HECW1: variants seen among roughly 807,000 people sequenced by gnomAD.
HECW1 encodes the protein E3 ubiquitin-protein ligase HECW1.
A neutral mutation model predicts 182.3 loss-of-function variants in HECW1; 61 were observed. That is an observed-to-expected ratio of 0.33 (90% CI 0.27 to 0.41). HECW1 has a LOEUF of 0.41. HECW1 is among the 10% of genes least tolerant of loss of function. The pLI is 1.00. For missense variants in HECW1, 1,739 were observed against 2,108.9 expected, an observed-to-expected ratio of 0.82 and a Z score of 3.44; for synonymous variants, 859 against 832.6, an observed-to-expected ratio of 1.03 and a Z score of -0.55.
At chr7:43,353,631 CT>C (rs1814731363) in intron 5 of HECW1, among the ~76,000 whole-genome samples, 1 of 47,884 alleles carries the variant, frequency 2.1e-5, no homozygotes, top group South Asian at 6.6e-4. Context: ...CACAATGCCC[CT>C]CCCTCCCCTC....
chr7:43,367,223 G>C (rs867726027), intron 6 of HECW1, among the ~76,000 whole-genome samples: 3 of 152,080 alleles, frequency 2.0e-5, no homozygotes, highest in South Asian at 2.1e-4. Flanking sequence ...TTTTTGACTT[G>C]GATTTTATAA....
intron 14 of HECW1, 149 bp from the exon 15 acceptor site, chr7:43,466,298 G>A: frequency 1.4e-6 from 1 of 721,494 alleles, no homozygotes; most frequent in Non-Finnish European, 2.3e-6. Flanking sequence ...ATTCTTAACT[G>A]ACATACATAA....
intron 2 of HECW1, among the ~76,000 whole-genome samples, chr7:43,210,092 C>T (rs1194397831): frequency 1.3e-5 from 2 of 152,146 alleles, no homozygotes; most frequent in African/African-American, 4.8e-5. Context: ...AGTTTCCTGG[C>T]CTGAGCGGAC....
chr7:43,303,255 TGGAGCCTGGCC>T (rs1490721266), intron 3 of HECW1, among the ~76,000 whole-genome samples: 3 of 152,098 alleles, frequency 2.0e-5, no homozygotes, highest in Non-Finnish European at 4.4e-5. Flanking sequence ...ATGCCCCTCC[TGGAGCCTGGCC>T]TCCAGCTGGT....
chr7:43,262,616 G>A (rs993858188), intron 3 of HECW1, among the ~76,000 whole-genome samples: 11 of 152,168 alleles, frequency 7.2e-5, no homozygotes, highest in Non-Finnish European at 1.3e-4. Flanking sequence ...ATGAAAAGTA[G>A]TTTTCTCCTC....
At chr7:43,287,021 G>A (rs11978433) in intron 3 of HECW1, among the ~76,000 whole-genome samples, 8,755 of 152,126 alleles carry the variant, frequency 0.058, 349 homozygotes, top group African/African-American at 0.11. Context: ...TGGGGGTAGC[G>A]GGGAGTTGTT....
At chr7:43,443,824 A>G (rs963579038) in intron 10 of HECW1, among the ~76,000 whole-genome samples, 4 of 152,208 alleles carry the variant, frequency 2.6e-5, no homozygotes, top group African/African-American at 9.6e-5. Flanking sequence ...AGCAAATGCA[A>G]TTAACTAAAT....
chr7:43,353,085 A>G (rs990220546), intron 5 of HECW1, among the ~76,000 whole-genome samples: 9 of 152,178 alleles, frequency 5.9e-5, no homozygotes, highest in African/African-American at 2.2e-4. Flanking sequence ...ACATATTTAT[A>G]GTGGTAGAAA....
chr7:43,511,665 GACATCTTA>G lies in HECW1; in HGVS notation c.4019+2548_4019+2555del, dbSNP rs2079878273. 3 of 154,620 alleles carry G rather than the reference GACATCTTA, an allele frequency of 1.9e-5. No homozygotes were observed. In the South Asian group the frequency reaches 6.2e-4, roughly 32 times the overall value. 9.6% of individuals were successfully genotyped at this position (154,620 alleles called of 1,614,324 possible). A position where few individuals can be genotyped will look rare whatever the true frequency, so the allele number is the denominator to read the frequency against. ...AACAGGAAGCCCTGATCAGCTTTGG[GACATCTTA>G]ACAAAACCATGATGCTGCAGTTATT... On this transcript the variant is annotated intron_variant, in intron 24 of 29. Transcript: ENST00000395891.
intron 3 of HECW1, among the ~76,000 whole-genome samples, chr7:43,304,593 C>T (rs953416100): frequency 1.3e-5 from 2 of 152,012 alleles, no homozygotes; most frequent in African/African-American, 2.4e-5. Flanking sequence ...CTGGTTCAAG[C>T]GATTCTCCTG....
intron 2 of HECW1, among the ~76,000 whole-genome samples, chr7:43,190,474 C>A (rs1793812148): frequency 1.3e-5 from 2 of 152,122 alleles, no homozygotes; most frequent in African/African-American, 4.8e-5. Flanking sequence ...CATTGTACAA[C>A]TAAATCCTGA....
chr7:43,125,477 T>C (rs12666862), intron 2 of HECW1, among the ~76,000 whole-genome samples: 43,800 of 151,678 alleles, frequency 0.29, 6,471 homozygotes, highest in Admixed American at 0.35. Context: ...GAGGCATTGG[T>C]CGGGTGTGGT....
At chr7:43,326,307 G>A (rs1584487885) in intron 5 of HECW1, among the ~76,000 whole-genome samples, 1 of 152,208 alleles carries the variant, frequency 6.6e-6, no homozygotes, top group Non-Finnish European at 1.5e-5. Flanking sequence ...ACCATGGTGA[G>A]GTGAACCTCA....
At chr7:43,274,816 TAA>T (rs1802905583) in intron 3 of HECW1, among the ~76,000 whole-genome samples, 1 of 152,228 alleles carries the variant, frequency 6.6e-6, no homozygotes, top group Non-Finnish European at 1.5e-5. Context: ...GTAAAAACTT[TAA>T]AAAGACTGTG....
chr7:43,381,978 G>A (rs993609240), intron 6 of HECW1, among the ~76,000 whole-genome samples: 6 of 151,464 alleles, frequency 4.0e-5, no homozygotes, highest in Non-Finnish European at 7.4e-5. Flanking sequence ...CTCAAATTCT[G>A]GATTTATAAT....
intron 3 of HECW1, among the ~76,000 whole-genome samples, chr7:43,285,013 C>CTTTTTTTTTT (rs1804440238): frequency 8.6e-6 from 1 of 116,582 alleles, no homozygotes; most frequent in African/African-American, 4.1e-5. Flanking sequence ...TTTTTTTTTG[C>CTTTTTTTTTT]TTTAAGGTTC....
At chr7:43,329,307 G>A (rs1296324981) in intron 5 of HECW1, among the ~76,000 whole-genome samples, 2 of 152,140 alleles carry the variant, frequency 1.3e-5, no homozygotes, top group Non-Finnish European at 2.9e-5. Context: ...AGCACACAGA[G>A]CTATGCAAAT....
At chr7:43,393,186 G>A (rs964539021) in intron 6 of HECW1, among the ~76,000 whole-genome samples, 5 of 152,104 alleles carry the variant, frequency 3.3e-5, no homozygotes, top group African/African-American at 9.7e-5. Context: ...ACAGAGAGAG[G>A]GGGGGCAACA....
At chr7:43,476,145 TAA>T (rs1563028541) in intron 16 of HECW1, among the ~76,000 whole-genome samples, 3 of 152,284 alleles carry the variant, frequency 2.0e-5, no homozygotes, top group Non-Finnish European at 4.4e-5. Flanking sequence ...AGGATATACT[TAA>T]GAGTCATTTA....
Sources: allele counts gnomAD v4.1 joint callset (sites outside exome capture counted in the v4.1 genomes callset), GRCh38; gene constraint gnomAD v4.1.1; transcripts MANE v1.5; gene names NCBI Gene and HGNC (gene_info 2026-07-23, HGNC 2026-07-21).